The following RAB6A variants were observed in gnomAD, a reference collection of about 807,000 sequenced individuals.
RAB6A encodes the protein RAB6A, member RAS oncogene family.
Under a neutral mutation model 32.3 loss-of-function variants are expected in RAB6A, and 8 were observed. The observed-to-expected ratio is 0.25, with a 90% CI of 0.15 to 0.45. RAB6A has a LOEUF of 0.45. Among genes scored for constraint, RAB6A ranks in the 20% least tolerant of loss-of-function variants. The pLI, the probability that RAB6A is intolerant of heterozygous loss-of-function variation, is 1.00. For synonymous variants in RAB6A, 73 were observed against 82.1 expected, an observed-to-expected ratio of 0.89 and a Z score of 0.60; for missense variants, 104 against 249.4, an observed-to-expected ratio of 0.42 and a Z score of 3.93.
At chr11:73,689,891 G>C (rs983648450) in intron 6 of RAB6A, among the ~76,000 whole-genome samples, 1 of 109,180 alleles carries the variant, frequency 9.2e-6, no homozygotes, top group Non-Finnish European at 1.7e-5. Context: ...GTGAGACTCC[G>C]TCTCAAAAAA....
chr11:73,707,429 A>G lies in RAB6A; in HGVS notation c.486T>C (p.Asn162=). ...CCTCAACTCAACTTACCTGCTTTAC[A>G]TTGTATCCAGCTTTTGCACTAGTTT... ...FIETSAKAGY[N]VKQLFRRVAA... is the part of the protein sequence containing the mutation. Residue 162 remains asparagine (N), a synonymous_variant, in exon 6 of 8, where the codon AAT becomes AAC. Transcript: ENST00000336083. The G allele has an allele frequency of 1.2e-6, 2 of 1,611,280 alleles. No individual in the cohort carries two copies. Among genetic ancestry groups the G allele is most frequent in the Non-Finnish European group, 8.5e-7 (1 of 1,177,644 alleles).
intron 1 of RAB6A, among the ~76,000 whole-genome samples, chr11:73,741,029 T>C (rs1219504473): frequency 6.6e-6 from 1 of 152,182 alleles, no homozygotes; most frequent in Non-Finnish European, 1.5e-5. Context: ...ATAAAAGTGG[T>C]TTCTCCACAA....
At chr11:73,682,783 C>G (rs899705917) in intron 6 of RAB6A, among the ~76,000 whole-genome samples, 8 of 152,270 alleles carry the variant, frequency 5.3e-5, no homozygotes, top group African/African-American at 1.9e-4. Flanking sequence ...CCCACCTTGG[C>G]ATTCCAAAGT....
At chr11:73,744,890 G>T (rs1045527532) in intron 1 of RAB6A, among the ~76,000 whole-genome samples, 2 of 151,092 alleles carry the variant, frequency 1.3e-5, no homozygotes, top group Admixed American at 6.6e-5. Context: ...CAGGAGAATC[G>T]CTTGAACCCG....
intron 1 of RAB6A, among the ~76,000 whole-genome samples, chr11:73,757,098 C>CATATATATATATATAT (rs1170100550): frequency 1.1e-4 from 4 of 37,670 alleles, no homozygotes; most frequent in Non-Finnish European, 1.3e-4. Flanking sequence ...AATATACATA[C>CATATATATATATATAT]ATATATATAT....
intron 1 of RAB6A, among the ~76,000 whole-genome samples, chr11:73,735,148 C>T (rs562619996): frequency 6.6e-6 from 1 of 152,320 alleles, no homozygotes; most frequent in South Asian, 2.1e-4. Context: ...ACCATCTGCA[C>T]CATGCTAATT....
intron 1 of RAB6A, among the ~76,000 whole-genome samples, chr11:73,758,073 T>A (rs1018679650): frequency 6.6e-6 from 1 of 152,220 alleles, no homozygotes; most frequent in African/African-American, 2.4e-5. Flanking sequence ...ATTGTGGAAT[T>A]CTAACAGACC....
At chr11:73,696,937 C>A (rs554737183) in intron 6 of RAB6A, among the ~76,000 whole-genome samples, 3 of 152,156 alleles carry the variant, frequency 2.0e-5, no homozygotes, top group African/African-American at 7.2e-5. Flanking sequence ...GAGATCCTGT[C>A]AAATCTCTCA....
intron 6 of RAB6A, among the ~76,000 whole-genome samples, chr11:73,685,081 T>G (rs146198233): frequency 7.9e-4 from 121 of 152,348 alleles, no homozygotes; most frequent in African/African-American, 2.9e-3. Flanking sequence ...AAAGTGTGGA[T>G]AGCAGTACAG....
At chr11:73,715,451 A>G (rs965744132) in intron 5 of RAB6A, among the ~76,000 whole-genome samples, 1 of 152,190 alleles carries the variant, frequency 6.6e-6, no homozygotes, top group African/African-American at 2.4e-5. Context: ...CTGAGGTGCC[A>G]TGTGCAGAAA....
At chr11:73,707,921 C>A (rs957281169) in intron 5 of RAB6A, among the ~76,000 whole-genome samples, 3 of 152,050 alleles carry the variant, frequency 2.0e-5, no homozygotes, top group Non-Finnish European at 4.4e-5. Flanking sequence ...AAACAAAAAA[C>A]GCTTAATAGC....
intron 5 of RAB6A, among the ~76,000 whole-genome samples, chr11:73,710,094 G>A (rs1318935736): frequency 6.8e-6 from 1 of 147,842 alleles, no homozygotes; most frequent in African/African-American, 2.5e-5. Context: ...GAGTAGCTGG[G>A]ATTACAGGCT....
At chr11:73,716,426 A>C in intron 4 of RAB6A, 64 bp from the exon 5 acceptor site, 1 of 1,197,074 alleles carries the variant, frequency 8.4e-7, no homozygotes, top group South Asian at 1.3e-5. Flanking sequence ...GGTGGTGGGC[A>C]CCTCCCTCCA....
In RAB6A at chr11:73,676,270, G is replaced by C. The variant is rs772240439; in HGVS notation, c.*1628C>G. On this transcript the variant is annotated 3_prime_UTR_variant, in exon 8 of 8. Coordinates refer to ENST00000336083, the MANE Select transcript of RAB6A (RefSeq NM_198896.2). ...AATGCTTACAACATAAATTCAGCAG[G>C]CTTTTCCTGAGCTGTAACTCAGAAG... is the stretch of plus-strand genomic sequence containing the variant. 3.6e-5 allele frequency: 6 copies of C among 167,054 alleles called. No homozygotes were observed. In the Admixed American group the frequency reaches 3.9e-4, roughly 11 times the overall value. 10.3% of individuals were successfully genotyped at this position (167,054 alleles called of 1,614,324 possible). A position where few individuals can be genotyped will look rare whatever the true frequency, so the allele number is the denominator to read the frequency against.
intron 1 of RAB6A, among the ~76,000 whole-genome samples, chr11:73,744,078 C>A (rs951539351): frequency 6.6e-6 from 1 of 152,020 alleles, no homozygotes; most frequent in East Asian, 1.9e-4. Flanking sequence ...GTGGCTCACG[C>A]CTGTAATTTC....
At chr11:73,711,944 C>A (rs1945964184) in intron 5 of RAB6A, among the ~76,000 whole-genome samples, 1 of 152,100 alleles carries the variant, frequency 6.6e-6, no homozygotes, top group African/African-American at 2.4e-5. Context: ...TATTTCTAGT[C>A]AATTTTTCTA....
intron 1 of RAB6A, among the ~76,000 whole-genome samples, chr11:73,746,288 A>G (rs182142035): frequency 3.3e-4 from 51 of 152,324 alleles, no homozygotes; most frequent in African/African-American, 1.2e-3. Flanking sequence ...TTCAAGCTGT[A>G]TATTTATGAT....
chr11:73,703,336 A>C (rs1945776845), intron 6 of RAB6A, among the ~76,000 whole-genome samples: 1 of 152,220 alleles, frequency 6.6e-6, no homozygotes, highest in Non-Finnish European at 1.5e-5. Flanking sequence ...TTTTTATGGC[A>C]AAACAATGCA....
At chr11:73,698,849 ATT>A (rs555410867) in intron 6 of RAB6A, among the ~76,000 whole-genome samples, 76 of 118,236 alleles carry the variant, frequency 6.4e-4, no homozygotes, top group Admixed American at 9.1e-4. Flanking sequence ...TTTTTTTGCG[ATT>A]TTTTTTTTTT....
Sources: gnomAD v4.1 joint callset for allele counts (sites outside exome capture counted in the v4.1 genomes callset) on GRCh38, gnomAD v4.1.1 for gene constraint, MANE v1.5 for transcripts, NCBI Gene and HGNC (gene_info 2026-07-23, HGNC 2026-07-21) for gene names.